WDR86: variants seen among roughly 807,000 people sequenced by gnomAD.
The protein encoded by WDR86 is WD repeat domain 86, also known as WD repeat-containing protein 86.
WDR86 carries 30 observed loss-of-function variants against 36.5 expected under a neutral mutation model. That is an observed-to-expected ratio of 0.82 (90% CI 0.61 to 1.11). The LOEUF (loss-of-function observed/expected upper bound fraction) is 1.11, where lower values mean the gene tolerates loss of function less well. Ranked by LOEUF, WDR86 falls within the 50% of genes most tolerant of loss-of-function variation. WDR86 has a pLI of 0.00. For synonymous variants in WDR86, 255 were observed against 252.9 expected (o/e 1.01, Z -0.08); for missense variants, 545 against 561.2 (o/e 0.97, Z 0.29).
exon 2 of WDR86, chr7:151,376,006 C>A: frequency 9.6e-7 from 1 of 1,038,244 alleles, no homozygotes; most frequent in Non-Finnish European, 1.5e-6. Context: ...TTGGGGTAAC[C>A]CGGGTGAATC....
intron 2 of WDR86, among the ~76,000 whole-genome samples, chr7:151,397,661 ATAGCGG>A (rs1799933949): frequency 2.0e-5 from 1 of 48,838 alleles, no homozygotes; most frequent in African/African-American, 5.8e-5. Flanking sequence ...GAGGAAGGGC[ATAGCGG>A]GAGGAAGAGC....
intron 3 of WDR86, among the ~76,000 whole-genome samples, chr7:151,391,032 C>T (rs151225894): frequency 4.4e-4 from 67 of 152,382 alleles, no homozygotes; most frequent in African/African-American, 1.6e-3. Context: ...AGGGAGGCCT[C>T]AGCTGATCCT....
intron 1 of WDR86, chr7:151,408,609 G>C (rs1366501763): frequency 6.0e-5 from 15 of 248,678 alleles, no homozygotes; most frequent in Admixed American, 4.4e-4. Flanking sequence ...GATGATGGTG[G>C]AAAAGCCCGC....
Position 151,401,142 on chromosome 7 carries a change from C to T in WDR86, c.164-901G>A, listed in dbSNP as rs575558464. Among the ~76,000 whole-genome samples, 1 of 152,196 alleles carries T rather than the reference C, an allele frequency of 6.6e-6. No homozygotes were observed. Among genetic ancestry groups the T allele is most frequent in the African/African-American group, 2.4e-5 (1 of 41,434 alleles). ...ATCCTCCCTCCAGCCGGTCTTTGCT[C>T]TCTCATCCTCACAGGCAGCCTACCC... On this transcript the variant is annotated intron_variant, in intron 1 of 5. Transcript: ENST00000334493. This position sits in a 1 kb window ranked among gnomAD's most constrained non-coding sequence, Gnocchi z 4.3.
intron 1 of WDR86, among the ~76,000 whole-genome samples, chr7:151,400,627 C>T (rs1800216591): frequency 6.6e-6 from 1 of 152,216 alleles, no homozygotes. Flanking sequence ...AAGTGATCTG[C>T]CTGCCTTGGC....
In WDR86 at chr7:151,388,799, T is replaced by A. The variant is rs1017857522; in HGVS notation, c.727-3576A>T. Among the ~76,000 whole-genome samples, 1 of 152,156 alleles carries A rather than the reference T, an allele frequency of 6.6e-6. No individual in the cohort carries two copies. Among genetic ancestry groups the A allele is most frequent in the African/African-American group, 2.4e-5 (1 of 41,432 alleles). On this transcript the variant is annotated intron_variant, in intron 3 of 5. Transcript: ENST00000334493. The surrounding 1 kb of genome is among the most constrained non-coding windows in gnomAD (Gnocchi z 4.2). ...GGCTGACGGTCGGAGGCGGGGTATA[T>A]GAAGCTATGGTCTGAGTGTCGGAAC...
intron 2 of WDR86, among the ~76,000 whole-genome samples, chr7:151,399,050 A>G (rs761192865): frequency 3.1e-4 from 47 of 152,204 alleles, no homozygotes; most frequent in Non-Finnish European, 7.3e-5. Flanking sequence ...CTGCCTGGGC[A>G]GGTCTCAGGG....
chr7:151,373,660 A>G (rs1170561124), downstream of WDR86, among the ~76,000 whole-genome samples: 7 of 152,160 alleles, frequency 4.6e-5, no homozygotes, highest in Non-Finnish European at 8.8e-5. Flanking sequence ...TTTTAACTTG[A>G]ATCCCTGGGC....
At chr7:151,389,246 G>A (rs1284749239) in intron 3 of WDR86, among the ~76,000 whole-genome samples, 2 of 151,350 alleles carry the variant, frequency 1.3e-5, no homozygotes, top group East Asian at 2.0e-4. Context: ...GTGAGCCACC[G>A]TGCCCGGCCC....
intron 1 of WDR86, among the ~76,000 whole-genome samples, chr7:151,404,439 T>A (rs970369452): frequency 6.6e-6 from 1 of 152,224 alleles, no homozygotes. Flanking sequence ...CAACAGAGCA[T>A]GTCCCCAACC....
rs764590989 is a variant in WDR86 at position 151,381,463 on chromosome 7, C to T, written c.*119G>A. On this transcript the variant is annotated 3_prime_UTR_variant, in exon 6 of 6. Transcript: ENST00000334493. This position sits in a 1 kb window ranked among gnomAD's most constrained non-coding sequence, Gnocchi z 4.8. The stretch of plus-strand genomic sequence containing the variant: ...GCCTGCGACGGGCTCTCCTCCCGCC[C>T]GGGCTTCCTCGCTCCTCGCCCCTCG... 13 of 1,488,722 alleles carry T rather than the reference C, an allele frequency of 8.7e-6. No individual in the cohort carries two copies. In the Middle Eastern group the frequency reaches 6.3e-4, roughly 72 times the overall value. 92.2% of individuals were successfully genotyped at this position (1,488,722 alleles called of 1,614,324 possible). A position where few individuals can be genotyped will look rare whatever the true frequency, so the allele number is the denominator to read the frequency against.
chr7:151,392,581 C>T (rs1041523705), intron 3 of WDR86, among the ~76,000 whole-genome samples: 2 of 152,152 alleles, frequency 1.3e-5, no homozygotes, highest in Admixed American at 6.5e-5. Context: ...ACTCCCTCAT[C>T]CCACGAGCCT....
At chr7:151,397,728 AGGGT>A (rs1799947877) in intron 2 of WDR86, among the ~76,000 whole-genome samples, 16 of 83,686 alleles carry the variant, frequency 1.9e-4, no homozygotes, top group Admixed American at 7.7e-4. Context: ...CGGGAGGAAG[AGGGT>A]GTAGCGGGAG....
At chr7:151,402,276 C>T (rs1800402750) in intron 1 of WDR86, among the ~76,000 whole-genome samples, 1 of 151,660 alleles carries the variant, frequency 6.6e-6, no homozygotes, top group South Asian at 2.1e-4. Flanking sequence ...TGCTGACACC[C>T]TGCTTTCATC....
chr7:151,395,806 C>T lies in WDR86; in HGVS notation c.696G>A (p.Arg232=). 1.3e-6 allele frequency: 2 copies of T among 1,568,292 alleles called. No homozygotes were observed. The highest frequency in any genetic ancestry group is 1.7e-6 in the Non-Finnish European group (2 of 1,158,842). Residue 232 remains arginine (R), a synonymous_variant, in exon 3 of 6, where the codon CGG becomes CGA. Coordinates refer to ENST00000334493, the MANE Select transcript of WDR86 (RefSeq NM_198285.3). ...GACAGATGACGGAGCCCCGGTGCTCCCGGAACACCCGCAGCTGCTCCCCAC... is the reference window on the plus strand; with the variant it reads ...GACAGATGACGGAGCCCCGGTGCTCTCGGAACACCCGCAGCTGCTCCCCAC... ...ILSGEQLRVF[R]EHRGSVICLE...
rs963299968 is a variant in WDR86 at position 151,390,064 on chromosome 7, G to A, written c.727-4841C>T. Among the ~76,000 whole-genome samples, 3 of 152,164 alleles carry A rather than the reference G, an allele frequency of 2.0e-5. No homozygotes were observed. The highest frequency in any genetic ancestry group is 2.9e-5 in the Non-Finnish European group (2 of 68,036). On this transcript the variant is annotated intron_variant, in intron 3 of 5. Transcript: ENST00000334493. The surrounding 1 kb of genome is among the most constrained non-coding windows in gnomAD (Gnocchi z 4.5). ...GTGAGGGCCCCAGGCAGGCCATGAG[G>A]CAGGGGCCCCAAAAGGATCCAAATG...
In WDR86 at chr7:151,405,050, T is replaced by C. The variant is rs1800611002; in HGVS notation, c.163+4377A>G. Among the ~76,000 whole-genome samples, 1 of 152,018 alleles carries C rather than the reference T, an allele frequency of 6.6e-6. No individual in the cohort carries two copies. The highest frequency in any genetic ancestry group is 1.5e-5 in the Non-Finnish European group (1 of 67,978). On this transcript the variant is annotated intron_variant, in intron 1 of 5. Transcript: ENST00000334493. The surrounding 1 kb of genome is among the most constrained non-coding windows in gnomAD (Gnocchi z 4.7). ...TGCTCCAGCCCTTGTAGCACAAGGGTTATTTTCACCTGTGGGGGAGGCCCC... is the reference window on the plus strand; with the variant it reads ...TGCTCCAGCCCTTGTAGCACAAGGGCTATTTTCACCTGTGGGGGAGGCCCC...
At chr7:151,392,826 C>T (rs1799530605) in intron 3 of WDR86, among the ~76,000 whole-genome samples, 2 of 152,170 alleles carry the variant, frequency 1.3e-5, no homozygotes, top group African/African-American at 2.4e-5. Context: ...GGCTCACCTC[C>T]ACCTCCCAGA....
chr7:151,400,013 C>G (rs941295940), intron 2 of WDR86, 87 bp downstream of exon 2: 1 of 1,310,596 alleles, frequency 7.6e-7, no homozygotes, highest in East Asian at 2.8e-5. Flanking sequence ...AGGGCCCTCA[C>G]GTGCAGGGGC....
Sources: gnomAD v4.1 joint callset for allele counts (sites outside exome capture counted in the v4.1 genomes callset) on GRCh38, gnomAD v4.1.1 for gene constraint, Gnocchi (gnomAD v3.1) non-coding constraint, MANE v1.5 for transcripts, NCBI Gene and HGNC (gene_info 2026-07-23, HGNC 2026-07-21) for gene names.